Variants in MAMDC2 observed in about 807,000 individuals in gnomAD.
The protein encoded by MAMDC2 is MAM domain-containing protein 2.
MAMDC2 carries 57 observed loss-of-function variants against 89.8 expected under a neutral mutation model. That is an observed-to-expected ratio of 0.63 (90% CI 0.51 to 0.79). MAMDC2 has a LOEUF of 0.79. Ranked by LOEUF, MAMDC2 falls within the 30% of genes least tolerant of loss-of-function variation. MAMDC2 has a pLI of 0.00. For missense variants in MAMDC2, 800 were observed against 820.6 expected (o/e 0.97, Z 0.31); for synonymous variants, 313 against 293.4 (o/e 1.07, Z -0.68).
At position 70,130,774 on chromosome 9, in the gene MAMDC2, AAAAAC is replaced by A. The variant is rs4069785; in HGVS notation, c.901-720_901-716del. Among the ~76,000 whole-genome samples the A allele has an allele frequency of 7.1e-3, 1,071 of 151,780 alleles. 14 individuals carry two copies. The highest frequency in any genetic ancestry group is 0.024 in the African/African-American group (1,016 of 41,470). The stretch of plus-strand genomic sequence containing the variant: ...CTCCTGAGGGATGGCAGGGAGGTAA[AAAAAC>A]AAAACAAAACAAAACAAAACAAAAA... On this transcript the variant is annotated intron_variant, in intron 6 of 13. Coordinates refer to ENST00000377182, the MANE Select transcript of MAMDC2 (RefSeq NM_153267.5).
chr9:70,070,792 T>G (rs772112024), intron 2 of MAMDC2, among the ~76,000 whole-genome samples: 1 of 152,222 alleles, frequency 6.6e-6, no homozygotes, highest in Non-Finnish European at 1.5e-5. Context: ...CTTATTTGCC[T>G]ATTTTCCTAC....
intron 5 of MAMDC2, among the ~76,000 whole-genome samples, chr9:70,115,950 T>C (rs2029964239): frequency 6.6e-6 from 1 of 152,224 alleles, no homozygotes; most frequent in African/African-American, 2.4e-5. Flanking sequence ...TGTGTGACAA[T>C]AGGCTAGTTT....
At chr9:70,133,351 C>A (rs552080731) in intron 7 of MAMDC2, among the ~76,000 whole-genome samples, 1 of 152,286 alleles carries the variant, frequency 6.6e-6, no homozygotes, top group South Asian at 2.1e-4. Context: ...GAGCTCTTTC[C>A]TACTACACAG....
At chr9:70,110,929 AAGG>A (rs1470159850) in intron 4 of MAMDC2, among the ~76,000 whole-genome samples, 2 of 152,238 alleles carry the variant, frequency 1.3e-5, no homozygotes, top group Non-Finnish European at 2.9e-5. Flanking sequence ...GGGGAAGAGA[AAGG>A]AGAGTCAAAG....
At chr9:70,101,194 TTA>T (rs147073692) in intron 2 of MAMDC2, among the ~76,000 whole-genome samples, 9,712 of 152,174 alleles carry the variant, frequency 0.064, 977 homozygotes, top group African/African-American at 0.21. Context: ...AAAAACCTCA[TTA>T]ATAATAAGGA....
At chr9:70,150,626 C>A (rs2031551666) in intron 9 of MAMDC2, among the ~76,000 whole-genome samples, 1 of 152,164 alleles carries the variant, frequency 6.6e-6, no homozygotes, top group Non-Finnish European at 1.5e-5. Flanking sequence ...ACTGAAGTTT[C>A]AGGAAATTTA....
chr9:70,191,502 T>C (rs2032879978), intron 11 of MAMDC2, among the ~76,000 whole-genome samples: 1 of 151,272 alleles, frequency 6.6e-6, no homozygotes, highest in Non-Finnish European at 1.5e-5. Context: ...CCTCTGGTCC[T>C]GTTTCTTGAT....
chr9:70,208,562 A>T lies in MAMDC2; in HGVS notation c.1652-9775A>T, dbSNP rs145098960. On this transcript the variant is annotated intron_variant, in intron 11 of 13. Coordinates refer to ENST00000377182, the MANE Select transcript of MAMDC2 (RefSeq NM_153267.5). ...AGATGATGGGGTTTTCTAAATATACAATCATGTCATCTGCAAACAGGCACA... is the reference window on the plus strand; with the variant it reads ...AGATGATGGGGTTTTCTAAATATACTATCATGTCATCTGCAAACAGGCACA... Among the ~76,000 whole-genome samples, 1,523 of 152,304 alleles carry T rather than the reference A, an allele frequency of 1.0e-2. 31 individuals are homozygous for T. Among genetic ancestry groups the T allele is most frequent in the South Asian group, 0.07 (336 of 4,826 alleles).
At chr9:70,056,044 T>C (rs991051333) in intron 2 of MAMDC2, among the ~76,000 whole-genome samples, 4 of 152,234 alleles carry the variant, frequency 2.6e-5, no homozygotes, top group African/African-American at 9.6e-5. Flanking sequence ...CCATTCCTTA[T>C]TTGAAAAACT....
At chr9:70,209,361 G>A (rs2033301450) in intron 11 of MAMDC2, among the ~76,000 whole-genome samples, 1 of 152,106 alleles carries the variant, frequency 6.6e-6, no homozygotes, top group African/African-American at 2.4e-5. Context: ...AGTCTTGGGA[G>A]GGCATATGTG....
intron 2 of MAMDC2, among the ~76,000 whole-genome samples, chr9:70,052,029 C>T (rs1826917507): frequency 6.6e-6 from 1 of 152,126 alleles, no homozygotes. Flanking sequence ...ATATCCAGGT[C>T]TTACTCCAAG....
chr9:70,161,519 A>G (rs547074257), intron 9 of MAMDC2, among the ~76,000 whole-genome samples: 37 of 152,364 alleles, frequency 2.4e-4, no homozygotes, highest in African/African-American at 7.7e-4. Flanking sequence ...CAAATATAGT[A>G]TCTGCAGCAG....
intron 2 of MAMDC2, among the ~76,000 whole-genome samples, chr9:70,107,253 C>A (rs1339582358): frequency 6.6e-6 from 1 of 152,112 alleles, no homozygotes; most frequent in Non-Finnish European, 1.5e-5. Flanking sequence ...GCTTCAATGC[C>A]CCACCAACTT....
intron 11 of MAMDC2, among the ~76,000 whole-genome samples, chr9:70,179,209 T>C (rs954342101): frequency 6.6e-6 from 1 of 152,054 alleles, no homozygotes; most frequent in East Asian, 1.9e-4. Flanking sequence ...CTAGCTAACA[T>C]AACAATACTA....
At chr9:70,152,287 G>A (rs1479821734) in intron 9 of MAMDC2, among the ~76,000 whole-genome samples, 5 of 132,336 alleles carry the variant, frequency 3.8e-5, no homozygotes, top group Non-Finnish European at 6.9e-5. Flanking sequence ...AACGCTAAGA[G>A]TTTCCCTCAG....
chr9:70,163,835 T>G (rs2118503229), intron 9 of MAMDC2, among the ~76,000 whole-genome samples: 1 of 151,240 alleles, frequency 6.6e-6, no homozygotes, highest in Non-Finnish European at 1.5e-5. Flanking sequence ...ACGCCTGTAG[T>G]TCCAACTATT....
intron 11 of MAMDC2, among the ~76,000 whole-genome samples, chr9:70,178,643 C>T (rs765760375): frequency 7.2e-5 from 11 of 152,350 alleles, no homozygotes; most frequent in Non-Finnish European, 1.6e-4. Context: ...CCTCTCATAA[C>T]TGAAAGCAAT....
At chr9:70,110,391 A>G (rs1054141794) in intron 4 of MAMDC2, among the ~76,000 whole-genome samples, 1 of 152,190 alleles carries the variant, frequency 6.6e-6, no homozygotes, top group Non-Finnish European at 1.5e-5. Context: ...CAAGCTGTGC[A>G]GTGGAGAGGC....
intron 6 of MAMDC2, among the ~76,000 whole-genome samples, chr9:70,130,706 A>G (rs1245501698): frequency 4.6e-5 from 7 of 152,114 alleles, no homozygotes; most frequent in African/African-American, 9.7e-5. Flanking sequence ...GCCTTGATGT[A>G]GAGTTCATAT....
Sources: gnomAD v4.1 joint callset for allele counts (sites outside exome capture counted in the v4.1 genomes callset) on GRCh38, gnomAD v4.1.1 for gene constraint, MANE v1.5 for transcripts, NCBI Gene and HGNC (gene_info 2026-07-23, HGNC 2026-07-21) for gene names.